Variants in OTUD7A observed in about 807,000 individuals in gnomAD.
The protein encoded by OTUD7A is OTU domain-containing protein 7A.
In OTUD7A, 12 loss-of-function variants were observed where a neutral mutation model predicts 65.7. The ratio of observed to expected loss-of-function variants is 0.18; its 90% CI spans 0.12 to 0.30. The LOEUF is 0.30. Ranked by LOEUF, OTUD7A falls within the 10% of genes least tolerant of loss-of-function variation. The probability of loss-of-function intolerance (pLI) is 1.00; values close to 1 mark genes in which losing one functional copy is unlikely to be tolerated. For synonymous variants in OTUD7A, 641 were observed against 586.3 expected, an observed-to-expected ratio of 1.09 and a Z score of -1.35; for missense variants, 1,148 against 1,304.8, an observed-to-expected ratio of 0.88 and a Z score of 1.85.
chr15:31,511,274 CACAT>C (rs1472058451), intron 8 of OTUD7A, among the ~76,000 whole-genome samples: 1 of 2,632 alleles, frequency 3.8e-4, no homozygotes, highest in Non-Finnish European at 4.8e-4. Context: ...ATATGTAACA[CACAT>C]ACATATGTAT....
chr15:31,592,929 ATATATATG>A (rs1451200672), intron 3 of OTUD7A, among the ~76,000 whole-genome samples: 4 of 92,526 alleles, frequency 4.3e-5, no homozygotes, highest in Admixed American at 1.1e-4. Context: ...ATATATATAT[ATATATATG>A]TATATATACA....
intron 4 of OTUD7A, among the ~76,000 whole-genome samples, chr15:31,565,016 A>G (rs1371768388): frequency 2.0e-5 from 3 of 152,176 alleles, no homozygotes; most frequent in Non-Finnish European, 2.9e-5. Flanking sequence ...GAATATACAT[A>G]TACCTAACAA....
chr15:31,479,273 T>C lies in OTUD7A; in HGVS notation c.*4021A>G, dbSNP rs1369580482. The C allele has an allele frequency of 6.6e-6, 1 of 152,178 alleles. No homozygotes were observed. Among genetic ancestry groups the C allele is most frequent in the Non-Finnish European group, 1.5e-5 (1 of 68,058 alleles). 9.4% of individuals were successfully genotyped at this position (152,178 alleles called of 1,614,324 possible). A position where few individuals can be genotyped will look rare whatever the true frequency, so the allele number is the denominator to read the frequency against. On this transcript the variant is annotated 3_prime_UTR_variant, in exon 13 of 13. Coordinates refer to ENST00000307050, the MANE Select transcript of OTUD7A (RefSeq NM_001382637.1). ...GAGGATGAAGCCAGGGCTGGTAAGG[T>C]CTGTCTGGCCCAGCAGGGCTTGCTC...
chr15:31,752,057 A>T (rs1595745838), intron 1 of OTUD7A, among the ~76,000 whole-genome samples: 1 of 152,226 alleles, frequency 6.6e-6, no homozygotes, highest in African/African-American at 2.4e-5. Flanking sequence ...TTAAAATTTT[A>T]AAATAATTTA....
chr15:31,838,923 C>G (rs1364492452), intron 1 of OTUD7A, among the ~76,000 whole-genome samples: 1 of 152,252 alleles, frequency 6.6e-6, no homozygotes, highest in African/African-American at 2.4e-5. Context: ...CATGTTGGGT[C>G]ATGACTGAGC....
At chr15:31,780,872 T>C (rs1170423730) in intron 1 of OTUD7A, among the ~76,000 whole-genome samples, 4 of 152,212 alleles carry the variant, frequency 2.6e-5, no homozygotes, top group Admixed American at 2.6e-4. Context: ...TTCTAAAAAG[T>C]CAACAGCTTC....
chr15:31,720,087 A>G (rs1465199062), intron 1 of OTUD7A, among the ~76,000 whole-genome samples: 1 of 152,132 alleles, frequency 6.6e-6, no homozygotes, highest in Non-Finnish European at 1.5e-5. Context: ...GTAAAGGCTT[A>G]ATAAAAATGT....
At position 31,482,461 on chromosome 15, in the gene OTUD7A, G is replaced by T. The variant is rs1208710871; in HGVS notation, c.*833C>A. 6.6e-6 allele frequency: 1 copy of T among 152,318 alleles called. No individual in the cohort carries two copies. Among genetic ancestry groups the T allele is most frequent in the Admixed American group, 6.5e-5 (1 of 15,296 alleles). The allele number at this position is 152,318 out of a possible 1,614,324, so 9.4% of individuals were successfully genotyped here. A position where few individuals can be genotyped will look rare whatever the true frequency, so the allele number is the denominator to read the frequency against. ...GGAAGTGCCTTCAAAGGAGAAATGT[G>T]AGCAGCCTGTCCTATCTGCTCCTCT... On this transcript the variant is annotated 3_prime_UTR_variant, in exon 13 of 13. Transcript: ENST00000307050.
At chr15:31,717,845 A>G (rs1331251091) in intron 1 of OTUD7A, among the ~76,000 whole-genome samples, 2 of 152,212 alleles carry the variant, frequency 1.3e-5, no homozygotes. Flanking sequence ...GAACTAATTT[A>G]CATTCCCACC....
At chr15:31,856,241 T>A (rs1897569424) in intron 1 of OTUD7A, among the ~76,000 whole-genome samples, 1 of 152,236 alleles carries the variant, frequency 6.6e-6, no homozygotes, top group Non-Finnish European at 1.5e-5. Context: ...CCTATGTGTT[T>A]AATAGTCTTG....
At chr15:31,802,133 G>GTATATATATATATA (rs1219526014) in intron 1 of OTUD7A, among the ~76,000 whole-genome samples, 9 of 117,220 alleles carry the variant, frequency 7.7e-5, no homozygotes, top group African/African-American at 2.8e-4. Context: ...GTGTGTGTGT[G>GTATATATATATATA]TGTGTGTGTA....
intron 1 of OTUD7A, among the ~76,000 whole-genome samples, chr15:31,694,417 C>G (rs1237746552): frequency 6.6e-6 from 1 of 152,196 alleles, no homozygotes; most frequent in African/African-American, 2.4e-5. Context: ...CCCCTTCCCC[C>G]GGGAAACCTT....
intron 1 of OTUD7A, among the ~76,000 whole-genome samples, chr15:31,736,980 C>T (rs1894210429): frequency 1.3e-5 from 2 of 152,112 alleles, no homozygotes; most frequent in South Asian, 4.2e-4. Flanking sequence ...CACCACCATG[C>T]CCAGCTAATT....
At chr15:31,676,667 C>T (rs984813910) in intron 1 of OTUD7A, among the ~76,000 whole-genome samples, 6 of 152,304 alleles carry the variant, frequency 3.9e-5, no homozygotes, top group African/African-American at 1.2e-4. Context: ...TGGCTCCCAA[C>T]TCTGTCTTGT....
In OTUD7A at chr15:31,672,496, C is replaced by T. The variant is rs555294028; in HGVS notation, c.-99-15419G>A. ...GCTGAGTGCCCACAATTACATTGAT[C>T]GTGCTTACTGCTTTAAGGGTGAGTT... On this transcript the variant is annotated intron_variant, in intron 1 of 12. Coordinates refer to ENST00000307050, the MANE Select transcript of OTUD7A (RefSeq NM_001382637.1). Among the ~76,000 whole-genome samples the T allele has an allele frequency of 1.2e-4, 18 of 152,304 alleles. No individual in the cohort carries two copies. In the South Asian group the frequency reaches 1.2e-3, roughly 11 times the overall value.
In OTUD7A at chr15:31,480,293, C is replaced by T. The variant is rs985383607; in HGVS notation, c.*3001G>A. On this transcript the variant is annotated 3_prime_UTR_variant, in exon 13 of 13. Transcript: ENST00000307050. ...AACAATATTTTAAAAAAATCATTTA[C>T]CCAGATAACAAATGTGCAGGAAATG... 8 of 152,166 alleles carry T rather than the reference C, an allele frequency of 5.3e-5. No individual in the cohort carries two copies. The highest frequency in any genetic ancestry group is 1.9e-4 in the African/African-American group (8 of 41,416). 9.4% of individuals were successfully genotyped at this position (152,166 alleles called of 1,614,324 possible). A position where few individuals can be genotyped will look rare whatever the true frequency, so the allele number is the denominator to read the frequency against.
At chr15:31,809,458 G>A (rs1896365479) in intron 1 of OTUD7A, among the ~76,000 whole-genome samples, 1 of 152,184 alleles carries the variant, frequency 6.6e-6, no homozygotes, top group African/African-American at 2.4e-5. Context: ...TGCTTTCCCT[G>A]CCTCTATTGC....
intron 3 of OTUD7A, among the ~76,000 whole-genome samples, chr15:31,624,014 A>G (rs1043941983): frequency 6.6e-6 from 1 of 152,268 alleles, no homozygotes; most frequent in Non-Finnish European, 1.5e-5. Context: ...CAATACTTCA[A>G]TAAGAAACTT....
At chr15:31,554,164 G>A (rs540669193) in intron 5 of OTUD7A, among the ~76,000 whole-genome samples, 83 of 152,224 alleles carry the variant, frequency 5.5e-4, no homozygotes, top group African/African-American at 1.8e-3. Context: ...GCGGCATCCC[G>A]GGATTCCCTC....
Sources: allele counts gnomAD v4.1 joint callset (sites outside exome capture counted in the v4.1 genomes callset), GRCh38; gene constraint gnomAD v4.1.1; transcripts MANE v1.5; gene names NCBI Gene and HGNC (gene_info 2026-07-23, HGNC 2026-07-21).